FLT1: variants seen among roughly 807,000 people sequenced by gnomAD.
The protein encoded by FLT1 is fms related receptor tyrosine kinase 1, also known as vascular endothelial growth factor receptor 1.
FLT1 carries 49 observed loss-of-function variants against 156.3 expected under a neutral mutation model. The ratio of observed to expected loss-of-function variants is 0.31; its 90% CI spans 0.25 to 0.40. The LOEUF is 0.40. FLT1 is among the 10% of genes least tolerant of loss of function. The probability of loss-of-function intolerance (pLI) is 1.00; values close to 1 mark genes in which losing one functional copy is unlikely to be tolerated. For synonymous variants in FLT1, 594 were observed against 583.8 expected (o/e 1.02, Z -0.25); for missense variants, 1,322 against 1,637.2 (o/e 0.81, Z 3.32).
chr13:28,311,958 C>G (rs567015873), intron 26 of FLT1, 35 bp downstream of exon 26: 12 of 1,412,892 alleles, frequency 8.5e-6, no homozygotes, highest in Middle Eastern at 1.9e-4. Flanking sequence ...GACGTACATT[C>G]AAAGGCATTT....
intron 1 of FLT1, among the ~76,000 whole-genome samples, chr13:28,483,473 C>T (rs374691897): frequency 5.6e-4 from 86 of 152,290 alleles, no homozygotes; most frequent in African/African-American, 1.8e-3. Context: ...AACGTTCCAG[C>T]TTTTTCTTTG....
At chr13:28,420,475 A>T (rs780950219) in intron 10 of FLT1, among the ~76,000 whole-genome samples, 1 of 152,216 alleles carries the variant, frequency 6.6e-6, no homozygotes, top group Non-Finnish European at 1.5e-5. Context: ...GATGGATACA[A>T]ATTGTATGTG....
At chr13:28,355,891 A>G (rs1171770309) in intron 15 of FLT1, among the ~76,000 whole-genome samples, 1 of 152,266 alleles carries the variant, frequency 6.6e-6, no homozygotes, top group African/African-American at 2.4e-5. Context: ...GTAAATGCAC[A>G]GTTTTAAGCA....
intron 16 of FLT1, among the ~76,000 whole-genome samples, chr13:28,343,173 G>A (rs913232564): frequency 9.2e-5 from 14 of 152,102 alleles, no homozygotes; most frequent in Admixed American, 9.2e-4. Flanking sequence ...AGTAGAGACG[G>A]GGTTTCACCA....
intron 14 of FLT1, 65 bp downstream of exon 14, chr13:28,384,820 G>C: frequency 6.6e-7 from 1 of 1,513,542 alleles, no homozygotes; most frequent in Non-Finnish European, 9.2e-7. Context: ...TGACGGGACT[G>C]TTAAGGGAAA....
intron 10 of FLT1, among the ~76,000 whole-genome samples, chr13:28,424,174 G>A (rs909797534): frequency 6.6e-6 from 1 of 151,652 alleles, no homozygotes; most frequent in East Asian, 1.9e-4. Context: ...CCCGACCTCA[G>A]GTGATCCTCC....
chr13:28,484,615 T>C (rs964800046), intron 1 of FLT1, among the ~76,000 whole-genome samples: 9 of 152,194 alleles, frequency 5.9e-5, no homozygotes, highest in African/African-American at 2.2e-4. Context: ...AAGGCCACTT[T>C]AAGCTGGAGT....
intron 13 of FLT1, chr13:28,386,864 C>A (rs753118463): frequency 5.1e-5 from 54 of 1,049,274 alleles, no homozygotes; most frequent in Admixed American, 3.3e-4. Context: ...ACCCAATTCA[C>A]TGAGTTATAC....
chr13:28,367,270 C>T (rs548898602), intron 14 of FLT1, among the ~76,000 whole-genome samples: 11 of 152,288 alleles, frequency 7.2e-5, no homozygotes, highest in African/African-American at 2.6e-4. Context: ...AAAGCATTAG[C>T]CCCAAAAGGA....
At chr13:28,460,575 A>G (rs1879511386) in intron 3 of FLT1, among the ~76,000 whole-genome samples, 1 of 152,034 alleles carries the variant, frequency 6.6e-6, no homozygotes, top group African/African-American at 2.4e-5. Context: ...AAAGCAGTGG[A>G]CCCAAATCAG....
At chr13:28,360,119 G>A (rs1824367199) in intron 14 of FLT1, among the ~76,000 whole-genome samples, 1 of 151,786 alleles carries the variant, frequency 6.6e-6, no homozygotes, top group Non-Finnish European at 1.5e-5. Flanking sequence ...CAAAAAACAA[G>A]AAAAAAACCA....
intron 11 of FLT1, 114 bp from the exon 12 acceptor site, chr13:28,397,182 T>A (rs976378414): frequency 8.4e-6 from 6 of 712,756 alleles, no homozygotes; most frequent in African/African-American, 1.8e-5. Context: ...GCAAAGAGAG[T>A]ATTGCATAGG....
chr13:28,389,547 T>TG, intron 13 of FLT1: 1 of 1,431,554 alleles, frequency 7.0e-7, no homozygotes. Flanking sequence ...TCGGCCTGAA[T>TG]GGGGGGCCCA....
In FLT1 at chr13:28,355,978, C is replaced by T. The variant is rs144305516; in HGVS notation, c.2248+1576G>A. On this transcript the variant is annotated intron_variant, in intron 15 of 29. Coordinates refer to ENST00000282397, the MANE Select transcript of FLT1 (RefSeq NM_002019.4). ...AAGACTTTGGGGAGACCTACAAACA[C>T]GCAAAAACGTCACTGCTTCATACCC... 2.1e-3 allele frequency among the ~76,000 whole-genome samples: 313 copies of T among 152,294 alleles called. 1 individual carries two copies. Among genetic ancestry groups the T allele is most frequent in the African/African-American group, 7.0e-3 (292 of 41,552 alleles).
At chr13:28,478,868 A>G (rs1430598530) in intron 1 of FLT1, among the ~76,000 whole-genome samples, 1 of 152,246 alleles carries the variant, frequency 6.6e-6, no homozygotes, top group African/African-American at 2.4e-5. Flanking sequence ...ACAAAGCCTT[A>G]TCTATTCTCC....
intron 25 of FLT1, among the ~76,000 whole-genome samples, chr13:28,313,888 TAAAAAA>T (rs779467248): frequency 2.0e-4 from 14 of 70,614 alleles, no homozygotes; most frequent in African/African-American, 4.3e-4. Context: ...TACAGGGAGG[TAAAAAA>T]AAAAAAAAAA....
intron 4 of FLT1, among the ~76,000 whole-genome samples, chr13:28,437,201 T>C (rs1878074284): frequency 6.6e-6 from 1 of 152,202 alleles, no homozygotes; most frequent in African/African-American, 2.4e-5. Context: ...TTCCTGGCGA[T>C]GGCACACAAA....
At chr13:28,387,780 AAAAAC>A (rs1939940457) in intron 13 of FLT1, 1 of 1,039,146 alleles carries the variant, frequency 9.6e-7, no homozygotes, top group Admixed American at 6.1e-5. Flanking sequence ...GTAACTAATA[AAAAAC>A]AAAACCCACC....
At chr13:28,330,856 G>A (rs1196550806) in intron 18 of FLT1, among the ~76,000 whole-genome samples, 1 of 151,996 alleles carries the variant, frequency 6.6e-6, no homozygotes, top group Non-Finnish European at 1.5e-5. Context: ...TGGGATTACA[G>A]GTGTGTGCCA....
Sources: gnomAD v4.1 joint callset for allele counts (sites outside exome capture counted in the v4.1 genomes callset) on GRCh38, gnomAD v4.1.1 for gene constraint, MANE v1.5 for transcripts, NCBI Gene and HGNC (gene_info 2026-07-23, HGNC 2026-07-21) for gene names.